The following PCDH7 variants were observed in gnomAD, a reference collection of about 807,000 sequenced individuals.
PCDH7 encodes the protein protocadherin 7.
PCDH7 carries 17 observed loss-of-function variants against 58.9 expected under a neutral mutation model. The observed-to-expected ratio is 0.29, with a 90% CI of 0.20 to 0.43. The LOEUF (loss-of-function observed/expected upper bound fraction) is 0.43, where lower values mean the gene tolerates loss of function less well. Among genes scored for constraint, PCDH7 ranks in the 20% least tolerant of loss-of-function variants. The probability of loss-of-function intolerance (pLI) is 1.00; values close to 1 mark genes in which losing one functional copy is unlikely to be tolerated. For synonymous variants in PCDH7, 664 were observed against 616.4 expected (o/e 1.08, Z -1.14); for missense variants, 1,274 against 1,441.0 (o/e 0.88, Z 1.88).
chr4:30,773,019 A>T (rs940337674), intron 1 of PCDH7, among the ~76,000 whole-genome samples: 1 of 152,096 alleles, frequency 6.6e-6, no homozygotes, highest in Non-Finnish European at 1.5e-5. Flanking sequence ...CTCACACCTC[A>T]ATCTTCCAAG....
At chr4:30,832,159 G>C (rs989758335) in intron 1 of PCDH7, among the ~76,000 whole-genome samples, 8 of 152,140 alleles carry the variant, frequency 5.3e-5, no homozygotes, top group African/African-American at 1.4e-4. Context: ...GCTTTCTCTT[G>C]CTATGGGGGA....
At chr4:31,079,827 T>C (rs1759354398) in intron 3 of PCDH7, among the ~76,000 whole-genome samples, 1 of 151,980 alleles carries the variant, frequency 6.6e-6, no homozygotes, top group Non-Finnish European at 1.5e-5. Flanking sequence ...ATTCATACAA[T>C]GTAGAATTCT....
chr4:31,089,611 G>A (rs1395282396), intron 3 of PCDH7, among the ~76,000 whole-genome samples: 1 of 151,964 alleles, frequency 6.6e-6, no homozygotes, highest in African/African-American at 2.4e-5. Flanking sequence ...TAAATTCCCA[G>A]TGTAGAAATA....
At chr4:30,746,628 A>G (rs1717812907) in intron 1 of PCDH7, among the ~76,000 whole-genome samples, 1 of 152,186 alleles carries the variant, frequency 6.6e-6, no homozygotes, top group Non-Finnish European at 1.5e-5. Flanking sequence ...TCTCAGGGCC[A>G]TAGTTTGAGC....
intron 1 of PCDH7, among the ~76,000 whole-genome samples, chr4:30,741,244 A>G (rs1263131718): frequency 1.3e-5 from 2 of 152,134 alleles, no homozygotes; most frequent in South Asian, 2.1e-4. Context: ...TGTTTACTCA[A>G]CAGTAGATGG....
Position 30,722,020 on chromosome 4 carries a change from G to T in PCDH7, c.598G>T (p.Ala200Ser). 8.0e-7 allele frequency: 1 copy of T among 1,256,896 alleles called. No homozygotes were observed. Among genetic ancestry groups the T allele is most frequent in the South Asian group, 3.1e-5 (1 of 32,438 alleles). The allele number at this position is 1,256,896 out of a possible 1,614,324, so 77.9% of individuals were successfully genotyped here. Residue 200 changes from alanine to serine, a missense_variant, in exon 1 of 2, where the codon GCG (alanine) becomes TCG (serine). Around this residue, in one of 3 missense-constraint regions of PCDH7, gnomAD observed 331 missense variants for 303.2 expected, o/e 1.09. Transcript: ENST00000361762. This position sits in a 1 kb window ranked among gnomAD's most constrained non-coding sequence, Gnocchi z 7.6. ...CGGCGGCGAGAGCCGGCGCGCCGGG[G>T]CGGCCGACAGCGCCCCCTACCCCGG...
intron 1 of PCDH7, among the ~76,000 whole-genome samples, chr4:30,740,684 T>A (rs1220027672): frequency 1.3e-5 from 2 of 150,088 alleles, no homozygotes; most frequent in African/African-American, 4.9e-5. Flanking sequence ...TCTCTTGAGG[T>A]TTTTTTTTAA....
chr4:30,721,956 G>A lies in PCDH7; in HGVS notation c.534G>A (p.Glu178=). 1.9e-6 allele frequency: 3 copies of A among 1,540,218 alleles called. No homozygotes were observed. The highest frequency in any genetic ancestry group is 3.9e-5 in the Admixed American group (2 of 51,100). Residue 178 remains glutamate (E), a synonymous_variant, in exon 1 of 2, where the codon GAG becomes GAA. Coordinates refer to ENST00000361762, the Ensembl canonical transcript of PCDH7. The surrounding 1 kb of genome is among the most constrained non-coding windows in gnomAD (Gnocchi z 6.7). ...GCGACTTCGGCCGCAACGGCATCGA[G>A]CGCTACGAGCTGCTCCAGGAGCCCG...
At chr4:30,776,071 C>G (rs1167038723) in intron 1 of PCDH7, among the ~76,000 whole-genome samples, 1 of 152,114 alleles carries the variant, frequency 6.6e-6, no homozygotes, top group East Asian at 1.9e-4. Context: ...TTTCATTGTC[C>G]CATTTTCCTC....
intron 1 of PCDH7, among the ~76,000 whole-genome samples, chr4:30,765,124 G>GGGTTTTTTTTTTTT (rs1242502475): frequency 2.8e-5 from 1 of 36,028 alleles, no homozygotes; most frequent in Non-Finnish European, 6.6e-5. Flanking sequence ...GACTTCAGAT[G>GGGTTTTTTTTTTTT]CTTTTTTTTT....
intron 1 of PCDH7, among the ~76,000 whole-genome samples, chr4:30,875,255 C>T (rs1248981584): frequency 6.6e-6 from 1 of 152,002 alleles, no homozygotes; most frequent in Admixed American, 6.6e-5. Context: ...CTTGTATGCA[C>T]ATCTCTGTGT....
intron 3 of PCDH7, among the ~76,000 whole-genome samples, chr4:31,012,425 C>A (rs1053197805): frequency 2.0e-4 from 29 of 141,522 alleles, no homozygotes; most frequent in African/African-American, 7.2e-4. Flanking sequence ...AGCAAAACAG[C>A]AACACTCACA....
At chr4:30,948,688 A>C (rs1333076442) in intron 2 of PCDH7, among the ~76,000 whole-genome samples, 1 of 152,158 alleles carries the variant, frequency 6.6e-6, no homozygotes, top group African/African-American at 2.4e-5. Flanking sequence ...TTTACATCAG[A>C]GGGCCTAGAT....
intron 3 of PCDH7, among the ~76,000 whole-genome samples, chr4:31,057,740 A>G (rs1757368162): frequency 1.3e-5 from 2 of 152,156 alleles, no homozygotes; most frequent in Admixed American, 6.6e-5. Context: ...CACTACAACC[A>G]GCTATTTCCT....
chr4:30,904,675 A>T (rs2109398300), intron 1 of PCDH7, among the ~76,000 whole-genome samples: 1 of 152,292 alleles, frequency 6.6e-6, no homozygotes, highest in Admixed American at 6.5e-5. Flanking sequence ...AAGTAATAAA[A>T]ATTAACATAT....
At chr4:30,775,326 G>T (rs1290323767) in intron 1 of PCDH7, among the ~76,000 whole-genome samples, 1 of 152,114 alleles carries the variant, frequency 6.6e-6, no homozygotes, top group Non-Finnish European at 1.5e-5. Flanking sequence ...ATGTAATCAT[G>T]CATAGAGGGG....
At chr4:30,930,939 T>TA (rs1210975341) in intron 2 of PCDH7, among the ~76,000 whole-genome samples, 1 of 151,184 alleles carries the variant, frequency 6.6e-6, no homozygotes, top group South Asian at 2.1e-4. Flanking sequence ...ACCCTGTCTC[T>TA]AAAAAAAACA....
chr4:30,728,561 G>A (rs1714983705), intron 1 of PCDH7, among the ~76,000 whole-genome samples: 1 of 151,666 alleles, frequency 6.6e-6, no homozygotes, highest in South Asian at 2.1e-4. Flanking sequence ...ATCTAGTAAA[G>A]CAACACTATC....
chr4:30,965,855 T>A (rs1330680899), intron 3 of PCDH7, among the ~76,000 whole-genome samples: 1 of 152,162 alleles, frequency 6.6e-6, no homozygotes, highest in Non-Finnish European at 1.5e-5. Context: ...AGTAGCATTT[T>A]CCTATGTGCA....
Sources: allele counts gnomAD v4.1 joint callset (sites outside exome capture counted in the v4.1 genomes callset), GRCh38; gene constraint gnomAD v4.1.1; regional missense constraint gnomAD v4.1.1; non-coding constraint Gnocchi (gnomAD v3.1); transcripts MANE v1.5; gene names NCBI Gene and HGNC (gene_info 2026-07-23, HGNC 2026-07-21).